Variants in DACH2 observed in about 807,000 individuals in gnomAD.
DACH2 encodes the protein dachshund family transcription factor 2, also known as dachshund homolog 2.
In DACH2, 17 loss-of-function variants were observed where a neutral mutation model predicts 35.8. That is an observed-to-expected ratio of 0.48 (90% CI 0.33 to 0.71). The LOEUF (loss-of-function observed/expected upper bound fraction) is 0.71. Among genes scored for constraint, DACH2 ranks in the 30% least tolerant of loss-of-function variants. The pLI, the probability that DACH2 is intolerant of heterozygous loss-of-function variation, is 0.02. For synonymous variants in DACH2, 195 were observed against 177.3 expected, an observed-to-expected ratio of 1.10 and a Z score of -0.79; for missense variants, 469 against 472.7, an observed-to-expected ratio of 0.99 and a Z score of 0.07.
At chrX:86,438,642 A>G (rs1482811586) in intron 2 of DACH2, among the ~76,000 whole-genome samples, 1 of 112,351 alleles carries the variant, frequency 8.9e-6, no homozygotes, top group Non-Finnish European at 1.9e-5. Context: ...GCTATTGTGA[A>G]TAGTGTTGCA....
chrX:86,611,954 T>C (rs1400948860), intron 3 of DACH2, among the ~76,000 whole-genome samples: 1 of 100,081 alleles, frequency 1.0e-5, no homozygotes, highest in East Asian at 3.5e-4. Flanking sequence ...GAAGTTGTTG[T>C]TCCTGTGTGT....
Position 86,814,674 on chromosome X carries a change from C to T in DACH2, c.1538-14C>T. The T allele has an allele frequency of 1.7e-6, 2 of 1,208,663 alleles. No individual in the cohort carries two copies. Among genetic ancestry groups the T allele is most frequent in the East Asian group, 3.0e-5 (1 of 33,806 alleles). On this transcript the variant is annotated splice_polypyrimidine_tract_variant and intron_variant, in intron 9 of 11. Transcript: ENST00000373125. ...CATTGCTCAAGTCTTTGCAAACTAC[C>T]TTTTACATTTCAGCTACTATGCAAA...
chrX:86,654,873 T>A (rs1331145616), intron 4 of DACH2, among the ~76,000 whole-genome samples: 1 of 111,527 alleles, frequency 9.0e-6, no homozygotes, highest in Non-Finnish European at 1.9e-5. Context: ...TCTGAATAAA[T>A]GAAAACCCTG....
intron 2 of DACH2, among the ~76,000 whole-genome samples, chrX:86,455,167 CA>C (rs2037452716): frequency 9.1e-6 from 1 of 110,287 alleles, no homozygotes; most frequent in Non-Finnish European, 1.9e-5. Flanking sequence ...AGCTTTGTAC[CA>C]GGGCAGTATT....
Position 86,714,709 on chromosome X carries a change from T to A in DACH2, c.1093T>A (p.Ser365Thr), listed in dbSNP as rs1344594250. 3.4e-6 allele frequency: 4 copies of A among 1,171,120 alleles called. No individual in the cohort carries two copies. In the East Asian group the frequency reaches 1.2e-4, roughly 36 times the overall value. Residue 365 changes from serine to threonine, a missense_variant, in exon 6 of 12, where the codon TCT becomes ACT. Ser to Thr is a moderately conservative substitution (Grantham distance 58). Transcript: ENST00000373125. ...CAGTCCACTCTCCAGAGCTGGTACC[T>A]CTGTTATAAAGGTAAGAATCGTGAT... The part of the protein sequence containing the change: ...IHSPLSRAGT[S>T]VIKERIPESP...
At chrX:86,461,964 A>G (rs2037581718) in intron 2 of DACH2, among the ~76,000 whole-genome samples, 1 of 111,234 alleles carries the variant, frequency 9.0e-6, no homozygotes, top group Non-Finnish European at 1.9e-5. Flanking sequence ...TTATAGGCTC[A>G]GAACTTCTTA....
At chrX:86,516,966 C>G (rs747158088) in intron 3 of DACH2, among the ~76,000 whole-genome samples, 3 of 111,168 alleles carry the variant, frequency 2.7e-5, no homozygotes, top group Non-Finnish European at 3.8e-5. Flanking sequence ...TATTGATGGG[C>G]ATTTAGGTTG....
At chrX:86,362,344 A>C (rs2035750517) in intron 1 of DACH2, among the ~76,000 whole-genome samples, 1 of 111,260 alleles carries the variant, frequency 9.0e-6, no homozygotes. Flanking sequence ...TAAACTGCAC[A>C]CGCATGCACA....
In DACH2 at chrX:86,391,282, T is replaced by TAAAAAAA. The variant is rs55941702; in HGVS notation, c.527+14454_527+14460dup. 6.5e-4 allele frequency among the ~76,000 whole-genome samples: 14 copies of TAAAAAAA among 21,432 alleles called. 1 individual carries two copies. Among genetic ancestry groups the TAAAAAAA allele is most frequent in the Admixed American group, 9.3e-4 (1 of 1,081 alleles). The allele number at this position is 21,432 out of a possible 115,157, so 18.6% of individuals were successfully genotyped here. On this transcript the variant is annotated intron_variant, in intron 2 of 11. Transcript: ENST00000373125. ...TGGGTGACAGAGTGAGGCTCTGTCT[T>TAAAAAAA]AAAAAAAAAAAAAAAAAAAAAAAAA...
At chrX:86,734,357 T>C (rs1441614168) in intron 6 of DACH2, among the ~76,000 whole-genome samples, 1 of 110,784 alleles carries the variant, frequency 9.0e-6, no homozygotes, top group African/African-American at 3.3e-5. Context: ...TCAAAACCAC[T>C]GAAGAGTGAA....
chrX:86,267,650 A>C (rs959497555), intron 1 of DACH2, among the ~76,000 whole-genome samples: 11 of 112,065 alleles, frequency 9.8e-5, no homozygotes, highest in African/African-American at 3.2e-4. Flanking sequence ...TGTGGTCAGC[A>C]TCAATGGTTT....
At chrX:86,757,474 T>C (rs1357215868) in intron 7 of DACH2, among the ~76,000 whole-genome samples, 1 of 112,368 alleles carries the variant, frequency 8.9e-6, no homozygotes, top group African/African-American at 3.2e-5. Context: ...TTTTATAGAA[T>C]TCAGCTGTGA....
At chrX:86,713,835 A>G (rs183937890) in intron 5 of DACH2, among the ~76,000 whole-genome samples, 140 of 112,122 alleles carry the variant, frequency 1.2e-3, no homozygotes, top group African/African-American at 4.4e-3. Context: ...ATTGAGATAT[A>G]TTCTTTCAGA....
At chrX:86,634,977 A>C in intron 3 of DACH2, among the ~76,000 whole-genome samples, 1 of 111,377 alleles carries the variant, frequency 9.0e-6, no homozygotes, top group Non-Finnish European at 1.9e-5. Context: ...ATATTCCCCC[A>C]AAAAATTGAG....
chrX:86,349,836 T>G (rs1438298561), intron 1 of DACH2, among the ~76,000 whole-genome samples: 4 of 111,949 alleles, frequency 3.6e-5, no homozygotes, highest in Non-Finnish European at 5.6e-5. Context: ...ACAATCATTT[T>G]TATTTTTAAA....
chrX:86,530,053 A>C (rs1160179251), intron 3 of DACH2, among the ~76,000 whole-genome samples: 1 of 109,582 alleles, frequency 9.1e-6, no homozygotes, highest in African/African-American at 3.3e-5. Context: ...TTAGGACCAG[A>C]ATATCTATTG....
At chrX:86,655,361 T>C (rs1226261711) in intron 4 of DACH2, among the ~76,000 whole-genome samples, 1 of 112,256 alleles carries the variant, frequency 8.9e-6, no homozygotes, top group Non-Finnish European at 1.9e-5. Flanking sequence ...GGGATACACA[T>C]TGAATGTTTC....
At chrX:86,657,978 A>G (rs1339634661) in intron 4 of DACH2, among the ~76,000 whole-genome samples, 1 of 111,460 alleles carries the variant, frequency 9.0e-6, no homozygotes, top group Admixed American at 9.6e-5. Context: ...TTGCCATTTA[A>G]TTGTGGAGGT....
intron 1 of DACH2, chrX:86,304,691 A>C (rs765664256): frequency 4.4e-4 from 74 of 168,533 alleles, no homozygotes; most frequent in Non-Finnish European, 7.3e-4. Context: ...GGCATCCACA[A>C]GAGAAGACCA....
Sources: gnomAD v4.1 joint callset for allele counts (sites outside exome capture counted in the v4.1 genomes callset) on GRCh38, gnomAD v4.1.1 for gene constraint, MANE v1.5 for transcripts, NCBI Gene and HGNC (gene_info 2026-07-23, HGNC 2026-07-21) for gene names.